PTPRD: variants seen among roughly 807,000 people sequenced by gnomAD.
PTPRD encodes the protein receptor-type tyrosine-protein phosphatase delta.
In PTPRD, 34 loss-of-function variants were observed where a neutral mutation model predicts 214.5. The observed-to-expected ratio is 0.16, with a 90% CI of 0.12 to 0.21. PTPRD has a LOEUF of 0.21. Among genes scored for constraint, PTPRD ranks in the 10% least tolerant of loss-of-function variants. The pLI, the probability that PTPRD is intolerant of heterozygous loss-of-function variation, is 1.00. For missense variants in PTPRD, 2,545 were observed against 2,398.7 expected (o/e 1.06, Z -1.27); for synonymous variants, 1,128 against 845.7 (o/e 1.33, Z -5.79).
chr9:9,643,152 C>T (rs1019224378), intron 7 of PTPRD, among the ~76,000 whole-genome samples: 2 of 152,156 alleles, frequency 1.3e-5, no homozygotes, highest in African/African-American at 4.8e-5. Flanking sequence ...CTCAGGGAAT[C>T]TTGAGGCAGG....
chr9:10,507,339 G>A (rs937369389), intron 2 of PTPRD, among the ~76,000 whole-genome samples: 55 of 152,066 alleles, frequency 3.6e-4, no homozygotes, highest in African/African-American at 1.3e-3. Context: ...CTCATGGATA[G>A]GAAGAATCAA....
At chr9:9,584,692 T>C (rs889172706) in intron 7 of PTPRD, among the ~76,000 whole-genome samples, 22 of 152,098 alleles carry the variant, frequency 1.4e-4, no homozygotes, top group African/African-American at 4.8e-4. Flanking sequence ...CTCGCAGTTT[T>C]GCTTTCATCC....
At chr9:10,228,067 A>G (rs1476399681) in intron 3 of PTPRD, among the ~76,000 whole-genome samples, 1 of 152,012 alleles carries the variant, frequency 6.6e-6, no homozygotes, top group African/African-American at 2.4e-5. Context: ...CATTATGATT[A>G]AAAGAGATTT....
At chr9:9,655,900 C>T (rs1423280169) in intron 7 of PTPRD, among the ~76,000 whole-genome samples, 1 of 151,946 alleles carries the variant, frequency 6.6e-6, no homozygotes, top group Non-Finnish European at 1.5e-5. Flanking sequence ...ATTGCTTAAA[C>T]CCAGGAGACG....
intron 9 of PTPRD, among the ~76,000 whole-genome samples, chr9:9,223,659 A>G (rs191454741): frequency 1.1e-3 from 172 of 152,132 alleles, no homozygotes; most frequent in Non-Finnish European, 1.9e-3. Context: ...CACTAGAGCA[A>G]ATTGGTATTA....
At chr9:10,135,642 G>A (rs549478477) in intron 3 of PTPRD, among the ~76,000 whole-genome samples, 1 of 152,106 alleles carries the variant, frequency 6.6e-6, no homozygotes, top group African/African-American at 2.4e-5. Flanking sequence ...TTCCACAAGT[G>A]AAGAAGAAAT....
At chr9:8,619,802 C>CA (rs577392684) in intron 14 of PTPRD, among the ~76,000 whole-genome samples, 297 of 151,696 alleles carry the variant, frequency 2.0e-3, no homozygotes, top group African/African-American at 6.4e-3. Flanking sequence ...ACCCCCAAAA[C>CA]AAAAAAAATC....
chr9:8,455,655 A>G (rs1250892290), intron 33 of PTPRD, among the ~76,000 whole-genome samples: 1 of 152,224 alleles, frequency 6.6e-6, no homozygotes, highest in African/African-American at 2.4e-5. Context: ...ACACATACAA[A>G]GTAAATGATG....
chr9:8,795,700 C>G (rs759057985), intron 11 of PTPRD, among the ~76,000 whole-genome samples: 6 of 152,050 alleles, frequency 3.9e-5, no homozygotes, highest in Admixed American at 1.3e-4. Context: ...TAAGACAGTC[C>G]AAAAATTTTA....
At chr9:10,188,315 ACT>A in intron 3 of PTPRD, among the ~76,000 whole-genome samples, 1 of 152,202 alleles carries the variant, frequency 6.6e-6, no homozygotes, top group South Asian at 2.1e-4. Context: ...ATGCCTTAAT[ACT>A]CTGTTTAATC....
chr9:8,779,376 G>A (rs1394263139), intron 11 of PTPRD, among the ~76,000 whole-genome samples: 1 of 152,068 alleles, frequency 6.6e-6, no homozygotes, highest in East Asian at 1.9e-4. Flanking sequence ...TTATCTGTCA[G>A]CCTTTTCAAC....
chr9:9,084,203 C>A (rs2099763508), intron 10 of PTPRD, among the ~76,000 whole-genome samples: 1 of 152,128 alleles, frequency 6.6e-6, no homozygotes, highest in African/African-American at 2.4e-5. Flanking sequence ...ACATTTACAC[C>A]ATGGAATACT....
chr9:8,615,396 C>T (rs2095578562), intron 14 of PTPRD, among the ~76,000 whole-genome samples: 1 of 152,054 alleles, frequency 6.6e-6, no homozygotes, highest in Admixed American at 6.6e-5. Context: ...AAAAAGTAAG[C>T]TATCGCCACT....
intron 11 of PTPRD, among the ~76,000 whole-genome samples, chr9:8,751,814 T>C (rs1234295823): frequency 5.9e-5 from 9 of 152,178 alleles, no homozygotes; most frequent in Non-Finnish European, 1.5e-5. Context: ...ACCCTCTGTC[T>C]TAAAAATGCA....
chr9:9,329,209 TA>T, intron 9 of PTPRD, among the ~76,000 whole-genome samples: 1 of 152,186 alleles, frequency 6.6e-6, no homozygotes, highest in African/African-American at 2.4e-5. Flanking sequence ...TATGGCTGGC[TA>T]CTTACTTTTA....
At chr9:10,512,451 T>G (rs1346011432) in intron 2 of PTPRD, among the ~76,000 whole-genome samples, 1 of 152,122 alleles carries the variant, frequency 6.6e-6, no homozygotes, top group Non-Finnish European at 1.5e-5. Context: ...GAGGAAAGGC[T>G]TGAAGATGCT....
At chr9:10,583,457 CT>C (rs34055386) in intron 2 of PTPRD, among the ~76,000 whole-genome samples, 437 of 145,196 alleles carry the variant, frequency 3.0e-3, no homozygotes, top group Admixed American at 4.2e-3. Context: ...ACTAGAAGTT[CT>C]TTTTTTTTTT....
chr9:8,456,361 C>G (rs1224034033), intron 33 of PTPRD, among the ~76,000 whole-genome samples: 1 of 152,078 alleles, frequency 6.6e-6, no homozygotes. Flanking sequence ...GAAAATGAGG[C>G]AGGCACCCAG....
chr9:10,606,090 C>T (rs2079246734), intron 2 of PTPRD, among the ~76,000 whole-genome samples: 1 of 151,772 alleles, frequency 6.6e-6, no homozygotes, highest in Non-Finnish European at 1.5e-5. Flanking sequence ...ACAGGAATTA[C>T]TATGGTTCAT....
Sources: gnomAD v4.1 joint callset for allele counts (sites outside exome capture counted in the v4.1 genomes callset) on GRCh38, gnomAD v4.1.1 for gene constraint, MANE v1.5 for transcripts, NCBI Gene and HGNC (gene_info 2026-07-23, HGNC 2026-07-21) for gene names.